Variants in EPS8 observed in about 807,000 individuals in gnomAD.
EPS8 encodes EGFR pathway substrate 8, signaling adaptor.
A neutral mutation model predicts 103.8 loss-of-function variants in EPS8; 42 were observed. That is an observed-to-expected ratio of 0.40 (90% CI 0.32 to 0.52). The LOEUF (loss-of-function observed/expected upper bound fraction) is 0.52, where lower values mean the gene tolerates loss of function less well. Ranked by LOEUF, EPS8 falls within the 20% of genes least tolerant of loss-of-function variation. The pLI is 0.40. For synonymous variants in EPS8, 344 were observed against 344.6 expected (o/e 1.00, Z 0.02); for missense variants, 969 against 1,005.1 (o/e 0.96, Z 0.49).
rs1355192785 is a variant in EPS8, at chr12:15,780,793, T to C, written c.-22+8368A>G. ...TTCCTGGTGTCTGGCACAGAACAGATACTCAACAAACACTCGATAAAAGAT... is the reference window on the plus strand; with the variant it reads ...TTCCTGGTGTCTGGCACAGAACAGACACTCAACAAACACTCGATAAAAGAT... On this transcript the variant is annotated intron_variant, in intron 1 of 20. Coordinates refer to ENST00000281172, the MANE Select transcript of EPS8 (RefSeq NM_004447.6). This position sits in a 1 kb window ranked among gnomAD's most constrained non-coding sequence, Gnocchi z 4.1. The C allele has an allele frequency of 6.6e-6, 1 of 152,142 alleles. No individual in the cohort carries two copies. Among genetic ancestry groups the C allele is most frequent in the Non-Finnish European group, 1.5e-5 (1 of 68,026 alleles). 9.4% of individuals were successfully genotyped at this position (152,142 alleles called of 1,614,324 possible). A position where few individuals can be genotyped will look rare whatever the true frequency, so the allele number is the denominator to read the frequency against.
chr12:15,743,679 T>C (rs913288864), intron 1 of EPS8, among the ~76,000 whole-genome samples: 2 of 152,172 alleles, frequency 1.3e-5, no homozygotes, highest in African/African-American at 4.8e-5. Context: ...CCCTATTTAA[T>C]AAATGGTGCT....
In EPS8 at chr12:15,731,612, A is replaced by G. The variant is rs1946717295; in HGVS notation, c.-21-48640T>C. ...CATGCCTGGCCTTAATTGACTTTTA[A>G]TTGGCTTTTTCACATCATGTGACTT... is the stretch of plus-strand genomic sequence containing the variant. On this transcript the variant is annotated intron_variant, in intron 1 of 20. Transcript: ENST00000281172. The surrounding 1 kb of genome is among the most constrained non-coding windows in gnomAD (Gnocchi z 5.1). 6.6e-6 allele frequency among the ~76,000 whole-genome samples: 1 copy of G among 152,154 alleles called. No homozygotes were observed. Among genetic ancestry groups the G allele is most frequent in the African/African-American group, 2.4e-5 (1 of 41,440 alleles).
rs879900966 is a variant in EPS8 at position 15,780,359 on chromosome 12, T to C, written c.-22+8802A>G. ...GCTCATCTTTCTACCTGGAGAGAGA[T>C]GAGCGTCTCGCTTTGCCTCAAAAAT... On this transcript the variant is annotated intron_variant, in intron 1 of 20. Transcript: ENST00000281172. The surrounding 1 kb of genome is among the most constrained non-coding windows in gnomAD (Gnocchi z 4.1). Among the ~76,000 whole-genome samples the C allele has an allele frequency of 3.9e-5, 6 of 151,952 alleles. No individual in the cohort carries two copies. The highest frequency in any genetic ancestry group is 5.9e-5 in the Non-Finnish European group (4 of 68,018).
chr12:15,749,058 A>C lies in EPS8; in HGVS notation c.-22+40103T>G, dbSNP rs1946904165. 6.6e-6 allele frequency among the ~76,000 whole-genome samples: 1 copy of C among 152,178 alleles called. No homozygotes were observed. Among genetic ancestry groups the C allele is most frequent in the African/African-American group, 2.4e-5 (1 of 41,444 alleles). Reference sequence around the variant, plus strand: ...CTTTTAACTATTTTTGTCAAGATCCATCCTAGTGTTCTTTTGGAAGAGCTA... The same window carrying C: ...CTTTTAACTATTTTTGTCAAGATCCCTCCTAGTGTTCTTTTGGAAGAGCTA... On this transcript the variant is annotated intron_variant, in intron 1 of 20. Coordinates refer to ENST00000281172, the MANE Select transcript of EPS8 (RefSeq NM_004447.6). This position sits in a 1 kb window ranked among gnomAD's most constrained non-coding sequence, Gnocchi z 4.0.
chr12:15,720,735 T>C (rs1332061632), intron 1 of EPS8, among the ~76,000 whole-genome samples: 3 of 152,210 alleles, frequency 2.0e-5, no homozygotes, highest in Non-Finnish European at 4.4e-5. Context: ...CAGTTTTGTC[T>C]CTTTCCTTCT....
At chr12:15,743,444 C>T (rs1177983019) in intron 1 of EPS8, among the ~76,000 whole-genome samples, 2 of 152,284 alleles carry the variant, frequency 1.3e-5, no homozygotes, top group African/African-American at 2.4e-5. Flanking sequence ...GTAAAGAGCC[C>T]GCATTGCCAA....
At position 15,751,712 on chromosome 12, in the gene EPS8, C is replaced by G. The variant is rs1203953271; in HGVS notation, c.-22+37449G>C. On this transcript the variant is annotated intron_variant, in intron 1 of 20. Coordinates refer to ENST00000281172, the MANE Select transcript of EPS8 (RefSeq NM_004447.6). The surrounding 1 kb of genome is among the most constrained non-coding windows in gnomAD (Gnocchi z 4.3). The stretch of plus-strand genomic sequence containing the variant: ...GTCCCTTGTACTTTTATGCTATGTT[C>G]ATGCCATTTCGCTCTCTCCTCCCTC... Among the ~76,000 whole-genome samples the G allele has an allele frequency of 6.6e-6, 1 of 152,020 alleles. No individual in the cohort carries two copies. Among genetic ancestry groups the G allele is most frequent in the Non-Finnish European group, 1.5e-5 (1 of 68,022 alleles).
rs760076526 is a variant in EPS8, at chr12:15,749,906, C to T, written c.-22+39255G>A. On this transcript the variant is annotated intron_variant, in intron 1 of 20. Transcript: ENST00000281172. The surrounding 1 kb of genome is among the most constrained non-coding windows in gnomAD (Gnocchi z 4.0). The stretch of plus-strand genomic sequence containing the variant: ...ACTATAGTAATTCATCTAAGAAAAA[C>T]GAATCTCCTTCTGTAGAATAGTTAC... Among the ~76,000 whole-genome samples, 8 of 152,172 alleles carry T rather than the reference C, an allele frequency of 5.3e-5. No individual in the cohort carries two copies. Among genetic ancestry groups the T allele is most frequent in the Middle Eastern group, 3.4e-3 (1 of 294 alleles).
intron 8 of EPS8, 166 bp from the exon 9 acceptor site, chr12:15,662,265 T>G (rs1945619205): frequency 3.5e-6 from 5 of 1,445,464 alleles, no homozygotes; most frequent in Non-Finnish European, 4.5e-6. Context: ...AATGCATCCT[T>G]GTCAATACTA....
Position 15,665,795 on chromosome 12 carries a change from C to T in EPS8, c.697G>A (p.Val233Met). The T allele has an allele frequency of 1.2e-6, 2 of 1,613,656 alleles. No individual in the cohort carries two copies. The highest frequency in any genetic ancestry group is 1.7e-6 in the Non-Finnish European group (2 of 1,179,848). Residue 233 changes from valine to methionine, a missense_variant, in exon 8 of 21, where the codon GTG becomes ATG. Physicochemically the swap from Val to Met is conservative, Grantham distance 21. Transcript: ENST00000281172. ...GCTGCCCATGCAGACCAGGCTGCCA[C>T]TCGACTTCTAACATCCACCTGGGTG... ...TVTQVDVRSR[V>M]AAWSAWAADQ...
At chr12:15,712,985 C>T (rs1436992952) in intron 1 of EPS8, 40 of 985,302 alleles carry the variant, frequency 4.1e-5, no homozygotes, top group Admixed American at 1.2e-4. Flanking sequence ...GCGTCAGTTT[C>T]GGCATTGTAC....
At position 15,682,914 on chromosome 12, in the gene EPS8, C is replaced by A; in HGVS notation, c.38G>T (p.Gly13Val). Residue 13 changes from glycine (G) to valine (V), a missense_variant, in exon 2 of 21, where the codon GGA becomes GTA. Transcript: ENST00000281172. ...TTACTTCATCTGAGATGGGTACATT[C>A]CAAAACTACTGGGATGATTAGAAAT... is the stretch of plus-strand genomic sequence containing the variant. ...GHISNHPSSF[G>V]MYPSQMNGYG... 1 of 1,581,408 alleles carries A rather than the reference C, an allele frequency of 6.3e-7. No individual in the cohort carries two copies. Among genetic ancestry groups the A allele is most frequent in the Non-Finnish European group, 8.6e-7 (1 of 1,158,592 alleles).
intron 17 of EPS8, among the ~76,000 whole-genome samples, chr12:15,633,518 A>T (rs1488816441): frequency 6.6e-6 from 1 of 152,222 alleles, no homozygotes; most frequent in Non-Finnish European, 1.5e-5. Context: ...ATTGTGAGAA[A>T]GTGAATAAAC....
rs1565487338 is a variant in EPS8 at position 15,663,954 on chromosome 12, T to TAATAATA, written c.736+1801_736+1802insTATTATT. On this transcript the variant is annotated intron_variant, in intron 8 of 20. Coordinates refer to ENST00000281172, the MANE Select transcript of EPS8 (RefSeq NM_004447.6). ...AAAAAAAAAAAAAAAAAATAATATA[T>TAATAATA]ATATATATATATATATATATATACA... Among the ~76,000 whole-genome samples, 133 of 22,280 alleles carry TAATAATA rather than the reference T, an allele frequency of 6.0e-3. 6 individuals are homozygous for TAATAATA. Among genetic ancestry groups the TAATAATA allele is most frequent in the African/African-American group, 0.012 (122 of 10,324 alleles). The allele number at this position is 22,280 out of a possible 152,430, so 14.6% of individuals were successfully genotyped here. A position where few individuals can be genotyped will look rare whatever the true frequency, so the allele number is the denominator to read the frequency against.
intron 1 of EPS8, among the ~76,000 whole-genome samples, chr12:15,750,295 C>T (rs999796207): frequency 2.0e-5 from 3 of 152,160 alleles, no homozygotes; most frequent in Non-Finnish European, 4.4e-5. Flanking sequence ...CAAAAAAATT[C>T]TCCTATTTAC....
intron 1 of EPS8, among the ~76,000 whole-genome samples, chr12:15,758,995 C>T (rs573981224): frequency 6.6e-6 from 1 of 152,126 alleles, no homozygotes; most frequent in South Asian, 2.1e-4. Flanking sequence ...TGCACTCCAG[C>T]CTGGATTCTG....
At chr12:15,632,577 C>T (rs969625035) in intron 17 of EPS8, among the ~76,000 whole-genome samples, 5 of 152,166 alleles carry the variant, frequency 3.3e-5, no homozygotes, top group African/African-American at 1.2e-4. Context: ...TTAGATACTG[C>T]ACTGGCACAA....
chr12:15,635,580 T>A (rs745614526), intron 17 of EPS8, among the ~76,000 whole-genome samples: 3 of 152,206 alleles, frequency 2.0e-5, no homozygotes, highest in Non-Finnish European at 4.4e-5. Flanking sequence ...TAACATAGGC[T>A]GAAATTAGTA....
intron 6 of EPS8, among the ~76,000 whole-genome samples, chr12:15,668,015 T>C (rs2135842329): frequency 6.6e-6 from 1 of 152,288 alleles, no homozygotes; most frequent in Non-Finnish European, 1.5e-5. Context: ...ACATCAAATT[T>C]GAAATGTTTT....
Sources: allele counts gnomAD v4.1 joint callset (sites outside exome capture counted in the v4.1 genomes callset), GRCh38; gene constraint gnomAD v4.1.1; non-coding constraint Gnocchi (gnomAD v3.1); transcripts MANE v1.5; gene names NCBI Gene and HGNC (gene_info 2026-07-23, HGNC 2026-07-21).